Variants in RALGAPA2 observed in about 807,000 individuals in gnomAD.
RALGAPA2 encodes Ral GTPase activating protein catalytic subunit alpha 2.
A neutral mutation model predicts 230.4 loss-of-function variants in RALGAPA2; 139 were observed. That is an observed-to-expected ratio of 0.60 (90% CI 0.53 to 0.69). The LOEUF (loss-of-function observed/expected upper bound fraction) is 0.69, where lower values mean the gene tolerates loss of function less well. Ranked by LOEUF, RALGAPA2 falls within the 30% of genes least tolerant of loss-of-function variation. RALGAPA2 has a pLI of 0.00. For synonymous variants in RALGAPA2, 847 were observed against 837.8 expected, an observed-to-expected ratio of 1.01 and a Z score of -0.19; for missense variants, 2,163 against 2,276.0, an observed-to-expected ratio of 0.95 and a Z score of 1.01.
At chr20:20,523,156 C>T (rs2063096413) in intron 30 of RALGAPA2, among the ~76,000 whole-genome samples, 1 of 152,066 alleles carries the variant, frequency 6.6e-6, no homozygotes, top group African/African-American at 2.4e-5. Context: ...ATTTTCCCTC[C>T]ATAGCAGTAA....
chr20:20,582,721 C>T (rs2065024337), intron 20 of RALGAPA2, among the ~76,000 whole-genome samples: 1 of 152,138 alleles, frequency 6.6e-6, no homozygotes, highest in African/African-American at 2.4e-5. Flanking sequence ...AACTTACATA[C>T]TGTATATGTT....
chr20:20,536,809 C>G (rs780200025), intron 24 of RALGAPA2, 25 bp from the exon 25 acceptor site: 2 of 1,600,420 alleles, frequency 1.2e-6, no homozygotes, highest in Non-Finnish European at 1.7e-6. Context: ...GAGGAGCACA[C>G]ACATTTCTCT....
At chr20:20,442,817 A>T (rs773735344) in intron 37 of RALGAPA2, among the ~76,000 whole-genome samples, 1 of 152,246 alleles carries the variant, frequency 6.6e-6, no homozygotes, top group East Asian at 1.9e-4. Context: ...CATCAAAGGA[A>T]GCCTTTTACA....
At chr20:20,435,703 C>T (rs909991216) in intron 37 of RALGAPA2, among the ~76,000 whole-genome samples, 1 of 152,152 alleles carries the variant, frequency 6.6e-6, no homozygotes, top group Non-Finnish European at 1.5e-5. Flanking sequence ...AGGAGGCAGG[C>T]TGATGCTGCC....
chr20:20,691,451 A>G (rs1222835838), intron 1 of RALGAPA2, among the ~76,000 whole-genome samples: 1 of 152,250 alleles, frequency 6.6e-6, no homozygotes, highest in East Asian at 1.9e-4. Flanking sequence ...ACGGGATACA[A>G]AGGATTTTTT....
chr20:20,547,463 C>T (rs554010428), intron 23 of RALGAPA2, among the ~76,000 whole-genome samples: 1 of 152,224 alleles, frequency 6.6e-6, no homozygotes, highest in Non-Finnish European at 1.5e-5. Context: ...CTGCCCCAGA[C>T]ATCTTGTGTT....
In RALGAPA2 at chr20:20,536,700, C is replaced by T. The variant is rs2063506860; in HGVS notation, c.3370G>A (p.Val1124Met). The T allele has an allele frequency of 6.2e-7, 1 of 1,613,090 alleles. No individual in the cohort carries two copies. Among genetic ancestry groups the T allele is most frequent in the East Asian group, 2.2e-5 (1 of 44,840 alleles). ...TYQEIPLLQS[V>M]PEVNEAITGT... is the part of the protein sequence containing the mutation. ...GTAATGGCCTCATTTACTTCTGGCACTGACTGCAGTAAAGGAATCTCCTGG... is the reference window on the plus strand; with the variant it reads ...GTAATGGCCTCATTTACTTCTGGCATTGACTGCAGTAAAGGAATCTCCTGG... Residue 1124 changes from valine (V) to methionine (M), a missense_variant, in exon 25 of 40, where the codon GTG (valine) becomes ATG (methionine). By Grantham distance (21) the Val-to-Met change is conservative. Coordinates refer to ENST00000202677, the MANE Select transcript of RALGAPA2 (RefSeq NM_020343.4).
intron 38 of RALGAPA2, among the ~76,000 whole-genome samples, chr20:20,400,599 T>C (rs2059812133): frequency 6.6e-6 from 1 of 152,202 alleles, no homozygotes. Context: ...TGTTAGGCCA[T>C]CATAAAGAAA....
At chr20:20,461,345 T>C (rs1393311608) in intron 37 of RALGAPA2, among the ~76,000 whole-genome samples, 1 of 152,246 alleles carries the variant, frequency 6.6e-6, no homozygotes, top group African/African-American at 2.4e-5. Context: ...CTGATATTCT[T>C]ATTAAAATTG....
chr20:20,506,749 C>A (rs2062548747), intron 33 of RALGAPA2, among the ~76,000 whole-genome samples: 1 of 152,102 alleles, frequency 6.6e-6, no homozygotes, highest in Non-Finnish European at 1.5e-5. Flanking sequence ...ATTGGTAGAA[C>A]TGAGTTCCAT....
intron 36 of RALGAPA2, among the ~76,000 whole-genome samples, chr20:20,479,186 C>T (rs1309459561): frequency 3.3e-5 from 5 of 152,170 alleles, no homozygotes; most frequent in Non-Finnish European, 5.9e-5. Context: ...GAAGCCTTCA[C>T]TGGCAAATTC....
intron 36 of RALGAPA2, among the ~76,000 whole-genome samples, chr20:20,482,830 A>C (rs866631399): frequency 2.0e-5 from 3 of 152,304 alleles, no homozygotes; most frequent in South Asian, 4.1e-4. Context: ...ATGCATACAG[A>C]TAAGAGAAAA....
intron 37 of RALGAPA2, among the ~76,000 whole-genome samples, chr20:20,444,360 A>T (rs1181814793): frequency 6.6e-6 from 1 of 152,016 alleles, no homozygotes; most frequent in East Asian, 1.9e-4. Flanking sequence ...GTCTCCTGGG[A>T]CTCTCCTACA....
chr20:20,471,065 C>A (rs1326290043), intron 37 of RALGAPA2: 3 of 152,136 alleles, frequency 2.0e-5, no homozygotes, highest in Non-Finnish European at 4.4e-5. Context: ...TTCTGTACTA[C>A]ATTGTTGTTT....
At chr20:20,472,986 T>C in intron 36 of RALGAPA2, 30 bp from the exon 37 acceptor site, 1 of 1,581,588 alleles carries the variant, frequency 6.3e-7, no homozygotes, top group South Asian at 1.1e-5. Context: ...AAACAAATTT[T>C]AAAAACTGAT....
Position 20,513,212 on chromosome 20 carries a change from A to C in RALGAPA2, c.4157T>G (p.Leu1386Arg). 1 of 1,517,892 alleles carries C rather than the reference A, an allele frequency of 6.6e-7. No homozygotes were observed. The highest frequency in any genetic ancestry group is 1.4e-5 in the South Asian group (1 of 74,030). The allele number at this position is 1,517,892 out of a possible 1,614,324, so 94.0% of individuals were successfully genotyped here. A position where few individuals can be genotyped will look rare whatever the true frequency, so the allele number is the denominator to read the frequency against. Residue 1386 changes from leucine (L) to arginine (R), a missense_variant, in exon 32 of 40, where the codon CTG becomes CGG. Transcript: ENST00000202677. ...RMVMAHLVNHLGHYPLSGGPA... is the reference protein window; with the variant it reads ...RMVMAHLVNHRGHYPLSGGPA... The stretch of plus-strand genomic sequence containing the variant: ...GCCCCCACTGAGGGGGTAGTGCCCC[A>C]GGTGGTTCACCAGGTGGGCCATCAC...
chr20:20,571,835 C>A lies in RALGAPA2; in HGVS notation c.3000+13G>T. Reference sequence around the variant, plus strand: ...GGAAATCGCAATAAAGGAATAAACACATATCCACTTGCCTTAAACAGCCAT... The same window carrying A: ...GGAAATCGCAATAAAGGAATAAACAAATATCCACTTGCCTTAAACAGCCAT... On this transcript the variant is annotated intron_variant, in intron 22 of 39. Coordinates refer to ENST00000202677, the MANE Select transcript of RALGAPA2 (RefSeq NM_020343.4). 1 of 1,587,266 alleles carries A rather than the reference C, an allele frequency of 6.3e-7. No individual in the cohort carries two copies. The highest frequency in any genetic ancestry group is 8.6e-7 in the Non-Finnish European group (1 of 1,158,592).
chr20:20,434,422 TC>T (rs1178554812), intron 37 of RALGAPA2, among the ~76,000 whole-genome samples: 1 of 151,988 alleles, frequency 6.6e-6, no homozygotes, highest in African/African-American at 2.4e-5. Flanking sequence ...ACACTCTCAG[TC>T]CCCTGTGAGC....
At chr20:20,559,827 T>TA (rs1391200595) in intron 23 of RALGAPA2, among the ~76,000 whole-genome samples, 1 of 152,174 alleles carries the variant, frequency 6.6e-6, no homozygotes, top group Non-Finnish European at 1.5e-5. Context: ...TCGTCATCTG[T>TA]AAAATGGGAA....
Sources: gnomAD v4.1 joint callset for allele counts (sites outside exome capture counted in the v4.1 genomes callset) on GRCh38, gnomAD v4.1.1 for gene constraint, MANE v1.5 for transcripts, NCBI Gene and HGNC (gene_info 2026-07-23, HGNC 2026-07-21) for gene names.